BEND2: variants seen among roughly 807,000 people sequenced by gnomAD.
The protein encoded by BEND2 is BEN domain-containing protein 2.
In BEND2, 19 loss-of-function variants were observed where a neutral mutation model predicts 43.8. The observed-to-expected ratio is 0.43, with a 90% CI of 0.30 to 0.64. The LOEUF (loss-of-function observed/expected upper bound fraction) is 0.64. BEND2 is among the 30% of genes least tolerant of loss of function. The pLI, the probability that BEND2 is intolerant of heterozygous loss-of-function variation, is 0.11. For missense variants in BEND2, 544 were observed against 574.0 expected (o/e 0.95, Z 0.53); for synonymous variants, 226 against 210.1 (o/e 1.08, Z -0.66).
rs990096177 is a variant in BEND2 at position 18,176,035 on chromosome X, C to T, written c.1689G>A (p.Gln563=). 7 of 1,201,330 alleles carry T rather than the reference C, an allele frequency of 5.8e-6. No individual in the cohort carries two copies. Among genetic ancestry groups the T allele is most frequent in the Non-Finnish European group, 3.4e-6 (3 of 889,396 alleles). ...CDLHEHGKDW[Q]DCISGINSMI... The stretch of plus-strand genomic sequence containing the variant: ...TAGAATTGATACCAGAAATACAGTC[C>T]TGCCAGTCTTTTCCATGTTCATGCA... Residue 563 remains glutamine, a synonymous_variant, in exon 11 of 14, where the codon CAG becomes CAA. Transcript: ENST00000380033.
intron 8 of BEND2, among the ~76,000 whole-genome samples, chrX:18,183,042 CAAAAAAA>C (rs56812732): frequency 9.8e-5 from 4 of 40,788 alleles, no homozygotes; most frequent in Non-Finnish European, 1.6e-4. Flanking sequence ...ACTCTGTCTC[CAAAAAAA>C]AAAAAAAAAA....
chrX:18,184,455 C>A (rs1924503180), intron 8 of BEND2, among the ~76,000 whole-genome samples: 1 of 111,935 alleles, frequency 8.9e-6, no homozygotes, highest in African/African-American at 3.3e-5. Flanking sequence ...GCACTCCAGC[C>A]TGGGCAACAG....
At chrX:18,197,173 G>A (rs1023517830) in intron 6 of BEND2, among the ~76,000 whole-genome samples, 9 of 112,131 alleles carry the variant, frequency 8.0e-5, no homozygotes, top group African/African-American at 2.9e-4. Context: ...GGTGGCTCAC[G>A]CCTATAATCC....
In BEND2 at chrX:18,174,135, A is replaced by G. The variant is rs1239022383; in HGVS notation, c.1876T>C (p.Ser626Pro). The change falls in exon 12 of 14, where the codon TCC becomes CCC. Residue 626 changes from serine to proline, a missense_variant. Physicochemically the swap from Ser to Pro is moderately conservative, Grantham distance 74. Around this residue, in one of 2 missense-constraint regions of BEND2, gnomAD observed 501 missense variants for 501.6 expected, o/e 1.00. Coordinates refer to ENST00000380033, the MANE Select transcript of BEND2 (RefSeq NM_153346.5). ...AAGTTCCTCTTTTCTCTCATTTTGGAGTTATTCATTGGCTGAAACATCCAA... is the reference window on the plus strand; with the variant it reads ...AAGTTCCTCTTTTCTCTCATTTTGGGGTTATTCATTGGCTGAAACATCCAA... ...CSWMFQPMNN[S>P]KMREKRNLQP... is the part of the protein sequence containing the mutation. 4 of 1,209,532 alleles carry G rather than the reference A, an allele frequency of 3.3e-6. No individual in the cohort carries two copies. Among genetic ancestry groups the G allele is most frequent in the Non-Finnish European group, 3.4e-6 (3 of 894,725 alleles).
intron 8 of BEND2, among the ~76,000 whole-genome samples, chrX:18,188,971 C>T (rs1463504407): frequency 5.4e-5 from 6 of 111,465 alleles, no homozygotes; most frequent in African/African-American, 1.3e-4. Context: ...GAGGCCGAGG[C>T]GGGTGGATTA....
intron 6 of BEND2, among the ~76,000 whole-genome samples, chrX:18,196,024 G>A (rs1031889007): frequency 1.2e-4 from 13 of 111,583 alleles, no homozygotes; most frequent in African/African-American, 4.2e-4. Flanking sequence ...TATAGGCCGG[G>A]AGCAGTGGCT....
chrX:18,192,336 G>A (rs935923253), intron 7 of BEND2, among the ~76,000 whole-genome samples: 13 of 111,816 alleles, frequency 1.2e-4, no homozygotes, highest in Non-Finnish European at 1.5e-4. Context: ...TGAAGTATTT[G>A]TCACTAACTG....
chrX:18,198,922 AATC>A (rs1925049407), intron 6 of BEND2, among the ~76,000 whole-genome samples: 1 of 106,613 alleles, frequency 9.4e-6, no homozygotes. Flanking sequence ...TGAAATTGGA[AATC>A]ATCATTCTCA....
At chrX:18,217,756 C>T (rs995965244) in intron 1 of BEND2, among the ~76,000 whole-genome samples, 1 of 110,648 alleles carries the variant, frequency 9.0e-6, no homozygotes, top group Non-Finnish European at 1.9e-5. Flanking sequence ...TTGGTATTTC[C>T]CTGAGCTGGA....
chrX:18,165,974 AAATGAGGAC>A (rs1438042448), intron 13 of BEND2, among the ~76,000 whole-genome samples: 2 of 112,237 alleles, frequency 1.8e-5, no homozygotes, highest in Non-Finnish European at 3.8e-5. Context: ...ATAGGCTAAT[AAATGAGGAC>A]AATGCCATAA....
chrX:18,205,716 G>T (rs774102480), intron 4 of BEND2, among the ~76,000 whole-genome samples: 1 of 108,222 alleles, frequency 9.2e-6, no homozygotes, highest in African/African-American at 3.4e-5. Flanking sequence ...GTGATTAGCA[G>T]CCTGGAACAG....
intron 4 of BEND2, among the ~76,000 whole-genome samples, chrX:18,211,345 C>G (rs1408121462): frequency 8.9e-6 from 1 of 111,755 alleles, no homozygotes; most frequent in Non-Finnish European, 1.9e-5. Flanking sequence ...AAACTTTCAC[C>G]TACCCCATTA....
chrX:18,210,204 A>G (rs1283416406), intron 4 of BEND2, among the ~76,000 whole-genome samples: 1 of 111,127 alleles, frequency 9.0e-6, no homozygotes, highest in East Asian at 2.8e-4. Flanking sequence ...ATATATGAAG[A>G]CTGAAAAAGA....
intron 7 of BEND2, among the ~76,000 whole-genome samples, chrX:18,191,688 G>A (rs148928466): frequency 2.9e-3 from 321 of 111,782 alleles, no homozygotes; most frequent in African/African-American, 0.01. Context: ...ATAGCACTCA[G>A]CAATAAAAAA....
chrX:18,217,204 T>C (rs1298202133), intron 1 of BEND2, among the ~76,000 whole-genome samples: 1 of 112,813 alleles, frequency 8.9e-6, no homozygotes, highest in Non-Finnish European at 1.9e-5. Context: ...ATGAAATGAA[T>C]TAAAACTGAA....
intron 1 of BEND2, among the ~76,000 whole-genome samples, chrX:18,219,912 A>AAAC (rs1981105385): frequency 1.8e-5 from 2 of 110,998 alleles, no homozygotes; most frequent in African/African-American, 6.6e-5. Flanking sequence ...TCTGAAAACA[A>AAAC]AACAAAACAA....
chrX:18,220,869 C>G lies in BEND2; in HGVS notation c.-119G>C. The G allele has an allele frequency of 1.2e-6, 1 of 848,565 alleles. No homozygotes were observed. Among genetic ancestry groups the G allele is most frequent in the Non-Finnish European group, 1.6e-6 (1 of 607,274 alleles). 69.9% of individuals were successfully genotyped at this position (848,565 alleles called of 1,213,427 possible). A position where few individuals can be genotyped will look rare whatever the true frequency, so the allele number is the denominator to read the frequency against. On this transcript the variant is annotated 5_prime_UTR_variant, in exon 1 of 14. Transcript: ENST00000380033. The stretch of plus-strand genomic sequence containing the variant: ...TAACTGTGTGGTAACTGCGTACACT[C>G]GTTGTCCGAGGCACAATGAGGCCCG...
intron 7 of BEND2, among the ~76,000 whole-genome samples, chrX:18,191,658 C>T (rs1199055438): frequency 1.5e-4 from 16 of 109,774 alleles, no homozygotes; most frequent in African/African-American, 1.7e-4. Flanking sequence ...AAACAAACCA[C>T]GGTACATCTA....
intron 8 of BEND2, among the ~76,000 whole-genome samples, chrX:18,186,929 T>G (rs1213087809): frequency 9.6e-6 from 1 of 103,806 alleles, no homozygotes; most frequent in African/African-American, 3.6e-5. Context: ...ATCGTACCAC[T>G]GCACTCCCGC....
Sources: gnomAD v4.1 joint callset for allele counts (sites outside exome capture counted in the v4.1 genomes callset) on GRCh38, gnomAD v4.1.1 for gene constraint, gnomAD v4.1.1 regional missense constraint, MANE v1.5 for transcripts, NCBI Gene and HGNC (gene_info 2026-07-23, HGNC 2026-07-21) for gene names.